AK4: variants seen among roughly 807,000 people sequenced by gnomAD.
AK4 encodes the protein adenylate kinase 4, mitochondrial.
AK4 carries 13 observed loss-of-function variants against 24.6 expected under a neutral mutation model. The observed-to-expected ratio is 0.53, with a 90% CI of 0.34 to 0.84. The LOEUF (loss-of-function observed/expected upper bound fraction) is 0.84. Ranked by LOEUF, AK4 falls within the 40% of genes least tolerant of loss-of-function variation. The pLI, the probability that AK4 is intolerant of heterozygous loss-of-function variation, is 0.01. For missense variants in AK4, 192 were observed against 288.2 expected, an observed-to-expected ratio of 0.67 and a Z score of 2.42; for synonymous variants, 88 against 107.0, an observed-to-expected ratio of 0.82 and a Z score of 1.10.
chr1:65,221,188 G>A (rs1233532362), intron 3 of AK4, among the ~76,000 whole-genome samples: 1 of 152,122 alleles, frequency 6.6e-6, no homozygotes, highest in Non-Finnish European at 1.5e-5. Context: ...AGATTGAGCT[G>A]TCTTTATCAT....
intron 1 of AK4, among the ~76,000 whole-genome samples, chr1:65,185,229 G>A (rs372576490): frequency 2.0e-5 from 3 of 152,238 alleles, no homozygotes; most frequent in African/African-American, 4.8e-5. Flanking sequence ...ATGTAGGCAC[G>A]TAAGGCCCCG....
At chr1:65,214,342 C>T (rs1249688384) in intron 2 of AK4, among the ~76,000 whole-genome samples, 1 of 152,050 alleles carries the variant, frequency 6.6e-6, no homozygotes. Flanking sequence ...AACTCCTGAC[C>T]GCAAGTGATC....
chr1:65,187,049 T>C (rs557824080), intron 1 of AK4, among the ~76,000 whole-genome samples: 1 of 152,172 alleles, frequency 6.6e-6, no homozygotes, highest in East Asian at 1.9e-4. Flanking sequence ...CAGAAAACTA[T>C]GATTCCATTT....
chr1:65,158,565 A>T (rs540156216), intron 1 of AK4, among the ~76,000 whole-genome samples: 11 of 152,090 alleles, frequency 7.2e-5, no homozygotes, highest in Admixed American at 2.0e-4. Flanking sequence ...CAGTGGTGTG[A>T]TCTTGGCTCA....
At position 65,221,340 on chromosome 1, in the gene AK4, C is replaced by G. The variant is rs373603689; in HGVS notation, c.438+2414C>G. Among the ~76,000 whole-genome samples the G allele has an allele frequency of 1.1e-4, 17 of 152,166 alleles. No individual in the cohort carries two copies. The East Asian group carries it at 3.1e-3, about 28-fold the overall frequency. The stretch of plus-strand genomic sequence containing the variant: ...CAGTAATTACTATAGAAAATTTCTT[C>G]GAGGGGCTAAGAATGGCTTCCCAAC... On this transcript the variant is annotated intron_variant, in intron 3 of 4. Coordinates refer to ENST00000327299, the MANE Select transcript of AK4 (RefSeq NM_013410.4).
At chr1:65,197,774 G>A (rs1037961341) in intron 2 of AK4, among the ~76,000 whole-genome samples, 2 of 152,180 alleles carry the variant, frequency 1.3e-5, no homozygotes, top group African/African-American at 2.4e-5. Flanking sequence ...TACCATACGA[G>A]GCTAGTACAT....
At chr1:65,198,853 G>C (rs1377388204) in intron 2 of AK4, among the ~76,000 whole-genome samples, 1 of 151,820 alleles carries the variant, frequency 6.6e-6, no homozygotes, top group Non-Finnish European at 1.5e-5. Context: ...GAGGCAGGAG[G>C]ATCACTTGAG....
intron 1 of AK4, among the ~76,000 whole-genome samples, chr1:65,181,154 T>A (rs533830063): frequency 6.6e-6 from 1 of 150,392 alleles, no homozygotes; most frequent in South Asian, 2.1e-4. Context: ...GATGTGTGGG[T>A]GTGTGGGTGC....
chr1:65,155,591 A>G (rs1000226028), intron 1 of AK4, among the ~76,000 whole-genome samples: 8 of 152,198 alleles, frequency 5.3e-5, no homozygotes, highest in African/African-American at 1.9e-4. Flanking sequence ...GTTTATAAAG[A>G]TGAAAACAAT....
intron 1 of AK4, among the ~76,000 whole-genome samples, chr1:65,167,576 TTC>T (rs941766125): frequency 6.6e-6 from 1 of 152,052 alleles, no homozygotes; most frequent in African/African-American, 2.4e-5. Flanking sequence ...TGGAGCTCAG[TTC>T]TGTTTTGGTT....
At chr1:65,219,372 T>C (rs1369477490) in intron 3 of AK4, among the ~76,000 whole-genome samples, 1 of 152,134 alleles carries the variant, frequency 6.6e-6, no homozygotes, top group Non-Finnish European at 1.5e-5. Flanking sequence ...AGGCTACTTT[T>C]AAGAGAATAG....
intron 2 of AK4, among the ~76,000 whole-genome samples, chr1:65,209,160 C>T (rs577552078): frequency 1.9e-4 from 29 of 152,236 alleles, no homozygotes; most frequent in South Asian, 2.1e-4. Flanking sequence ...TGAGGGATAG[C>T]GATAGTCTGG....
At chr1:65,192,741 T>C (rs534436610) in intron 2 of AK4, among the ~76,000 whole-genome samples, 30 of 152,160 alleles carry the variant, frequency 2.0e-4, no homozygotes, top group Non-Finnish European at 3.7e-4. Flanking sequence ...GGTAGGAAGG[T>C]GTATGATGGA....
At chr1:65,201,504 C>G (rs1454394933) in intron 2 of AK4, among the ~76,000 whole-genome samples, 2 of 152,016 alleles carry the variant, frequency 1.3e-5, no homozygotes, top group Admixed American at 1.3e-4. Context: ...TTGACTGGAC[C>G]CTAGCAAAGC....
At chr1:65,211,006 G>T (rs531533868) in intron 2 of AK4, among the ~76,000 whole-genome samples, 47 of 152,268 alleles carry the variant, frequency 3.1e-4, no homozygotes, top group South Asian at 6.2e-4. Flanking sequence ...ATGTGTTTCA[G>T]GTCATGTGCA....
chr1:65,202,958 A>C (rs976706631), intron 2 of AK4, among the ~76,000 whole-genome samples: 1 of 148,520 alleles, frequency 6.7e-6, no homozygotes. Flanking sequence ...TGCAGCCTCA[A>C]ACTGGGTTCA....
At chr1:65,189,424 A>G (rs928765374) in intron 1 of AK4, among the ~76,000 whole-genome samples, 4 of 151,416 alleles carry the variant, frequency 2.6e-5, no homozygotes, top group African/African-American at 9.7e-5. Flanking sequence ...GATTACAGGC[A>G]TGCACCACCA....
chr1:65,196,908 C>T (rs1236011293), intron 2 of AK4, among the ~76,000 whole-genome samples: 3 of 152,148 alleles, frequency 2.0e-5, no homozygotes, highest in Middle Eastern at 3.2e-3. Flanking sequence ...GCCTCACAAT[C>T]GTGGCAGAAG....
At chr1:65,158,929 A>C (rs1386476265) in intron 1 of AK4, among the ~76,000 whole-genome samples, 3 of 152,166 alleles carry the variant, frequency 2.0e-5, no homozygotes, top group African/African-American at 7.2e-5. Flanking sequence ...ATAGTACAAA[A>C]GGTCTTGTTT....
Sources: gnomAD v4.1 joint callset for allele counts (sites outside exome capture counted in the v4.1 genomes callset) on GRCh38, gnomAD v4.1.1 for gene constraint, MANE v1.5 for transcripts, NCBI Gene and HGNC (gene_info 2026-07-23, HGNC 2026-07-21) for gene names.